ZPBP: variants seen among roughly 807,000 people sequenced by gnomAD.
The protein encoded by ZPBP is zona pellucida-binding protein 1.
Under a neutral mutation model 44.8 loss-of-function variants are expected in ZPBP, and 26 were observed. The observed-to-expected ratio is 0.58, with a 90% confidence interval of 0.43 to 0.81. The LOEUF is 0.81. Ranked by LOEUF, ZPBP falls within the 30% of genes least tolerant of loss-of-function variation. ZPBP has a pLI of 0.00. For synonymous variants in ZPBP, 174 were observed against 153.2 expected (o/e 1.14, Z -1.00); for missense variants, 409 against 434.0 (o/e 0.94, Z 0.51).
At chr7:49,898,170 G>GTGTGTGTGTATATA (rs912158311) in intron 2 of ZPBP, among the ~76,000 whole-genome samples, 9 of 151,720 alleles carry the variant, frequency 5.9e-5, no homozygotes, top group Non-Finnish European at 1.5e-5. Context: ...TGCTTTATAT[G>GTGTGTGTGTATATA]TGTGTGTGTA....
At chr7:49,991,856 AC>A (rs1274922764) in intron 6 of ZPBP, among the ~76,000 whole-genome samples, 2 of 152,062 alleles carry the variant, frequency 1.3e-5, no homozygotes, top group Non-Finnish European at 2.9e-5. Context: ...CCTAACTGAA[AC>A]ACAGATTTTG....
intron 3 of ZPBP, among the ~76,000 whole-genome samples, chr7:50,074,481 T>A (rs1801989433): frequency 6.6e-6 from 1 of 151,384 alleles, no homozygotes; most frequent in Non-Finnish European, 1.5e-5. Context: ...ATAGACAGAG[T>A]AGATGAAAAA....
At chr7:50,054,520 T>C (rs1166678845) in intron 4 of ZPBP, among the ~76,000 whole-genome samples, 1 of 152,144 alleles carries the variant, frequency 6.6e-6, no homozygotes, top group East Asian at 1.9e-4. Flanking sequence ...CACCATTTTA[T>C]ACCTAGTGTC....
intron 2 of ZPBP, among the ~76,000 whole-genome samples, chr7:49,895,273 A>G (rs1792326025): frequency 6.6e-6 from 1 of 152,190 alleles, no homozygotes; most frequent in Non-Finnish European, 1.5e-5. Flanking sequence ...AATCCCACTC[A>G]TGAGGGCTCT....
At chr7:49,897,821 AG>A (rs1172934332) in intron 2 of ZPBP, among the ~76,000 whole-genome samples, 2 of 152,252 alleles carry the variant, frequency 1.3e-5, no homozygotes, top group African/African-American at 4.8e-5. Context: ...ACAGGGATTC[AG>A]TCATAGGGTC....
intron 2 of ZPBP, among the ~76,000 whole-genome samples, chr7:49,853,983 C>T (rs945888341): frequency 9.9e-5 from 15 of 151,274 alleles, no homozygotes; most frequent in Non-Finnish European, 1.8e-4. Context: ...TCTGTCCCTG[C>T]GATAGTTTGC....
intron 3 of ZPBP, among the ~76,000 whole-genome samples, chr7:50,061,766 A>G (rs1037427991): frequency 6.6e-6 from 1 of 152,204 alleles, no homozygotes; most frequent in Admixed American, 6.5e-5. Context: ...GAAAGAGCTG[A>G]CAGTAACACA....
chr7:50,081,496 C>T (rs1224952153), intron 3 of ZPBP, among the ~76,000 whole-genome samples: 1 of 151,658 alleles, frequency 6.6e-6, no homozygotes, highest in Non-Finnish European at 1.5e-5. Flanking sequence ...ATCAGTCATA[C>T]AAACAGTATT....
At chr7:49,866,586 G>C (rs1405308177) in intron 2 of ZPBP, among the ~76,000 whole-genome samples, 4 of 152,110 alleles carry the variant, frequency 2.6e-5, no homozygotes, top group African/African-American at 9.7e-5. Context: ...CAGAAAAGAC[G>C]GAAAACAGCC....
intron 4 of ZPBP, among the ~76,000 whole-genome samples, chr7:50,038,500 G>T (rs139715144): frequency 1.3e-5 from 2 of 152,118 alleles, no homozygotes; most frequent in African/African-American, 2.4e-5. Flanking sequence ...ATTTCCTAGG[G>T]CACTGTTGAA....
chr7:49,866,464 G>C (rs1790894465), intron 2 of ZPBP, among the ~76,000 whole-genome samples: 1 of 152,226 alleles, frequency 6.6e-6, no homozygotes, highest in South Asian at 2.1e-4. Flanking sequence ...AACCCTGCAG[G>C]CAAGCCCTTT....
At chr7:49,953,640 C>A (rs1410120372) in intron 7 of ZPBP, among the ~76,000 whole-genome samples, 2 of 152,034 alleles carry the variant, frequency 1.3e-5, no homozygotes, top group African/African-American at 2.4e-5. Context: ...ATCAAAATAT[C>A]CAGCACCAAA....
intron 2 of ZPBP, among the ~76,000 whole-genome samples, chr7:49,872,931 A>G (rs1365294079): frequency 6.7e-6 from 1 of 149,442 alleles, no homozygotes; most frequent in Admixed American, 6.7e-5. Flanking sequence ...AAAAAAAAAA[A>G]AAAAAAGAAA....
At chr7:50,011,635 T>C (rs1368793634) in intron 6 of ZPBP, among the ~76,000 whole-genome samples, 1 of 152,182 alleles carries the variant, frequency 6.6e-6, no homozygotes, top group Non-Finnish European at 1.5e-5. Flanking sequence ...CAGAAGGACT[T>C]AAAATATACA....
At chr7:49,858,413 G>C (rs1421574482) in intron 2 of ZPBP, among the ~76,000 whole-genome samples, 2 of 152,056 alleles carry the variant, frequency 1.3e-5, no homozygotes, top group East Asian at 3.9e-4. Context: ...TAGGGACATG[G>C]ATGAAGCTGA....
intron 4 of ZPBP, among the ~76,000 whole-genome samples, chr7:50,035,769 AAAG>A (rs56983333): frequency 0.18 from 27,766 of 152,036 alleles, 3,501 homozygotes; most frequent in East Asian, 0.61. Flanking sequence ...GTAAGGATAC[AAAG>A]AAGTATATGT....
At chr7:49,993,994 A>G (rs901230163) in intron 6 of ZPBP, among the ~76,000 whole-genome samples, 10 of 152,338 alleles carry the variant, frequency 6.6e-5, no homozygotes, top group African/African-American at 2.4e-4. Context: ...CTTTCTGCCC[A>G]TTCAGAGAGG....
intron 2 of ZPBP, among the ~76,000 whole-genome samples, chr7:49,870,437 T>C (rs112752173): frequency 0.028 from 4,223 of 152,232 alleles, 164 homozygotes; most frequent in South Asian, 0.13. Flanking sequence ...ATATTATGAT[T>C]GGGGTGGTAG....
chr7:49,890,114 C>T lies in ZPBP; in HGVS notation n.509+11004G>A, dbSNP rs10250813. Among the ~76,000 whole-genome samples, 697 of 152,302 alleles carry T rather than the reference C, an allele frequency of 4.6e-3. 4 individuals are homozygous for T. The highest frequency in any genetic ancestry group is 0.016 in the African/African-American group (660 of 41,558). On this transcript the variant is annotated intron_variant and non_coding_transcript_variant, in intron 2 of 2. Transcript: ENST00000465922. ...CACCTCACATTTAACACCCATACAT[C>T]TCCTTTAGGAACAGAGGGAATATTA...
Sources: gnomAD v4.1 joint callset for allele counts (sites outside exome capture counted in the v4.1 genomes callset) on GRCh38, gnomAD v4.1.1 for gene constraint, MANE v1.5 for transcripts, NCBI Gene and HGNC (gene_info 2026-07-23, HGNC 2026-07-21) for gene names.